Variants in RPTOR observed in about 807,000 individuals in gnomAD.
RPTOR encodes regulatory-associated protein of mTOR.
A neutral mutation model predicts 169.9 loss-of-function variants in RPTOR; 21 were observed. The observed-to-expected ratio is 0.12, with a 90% CI of 0.09 to 0.18. The LOEUF (loss-of-function observed/expected upper bound fraction) is 0.18. Among genes scored for constraint, RPTOR ranks in the 10% least tolerant of loss-of-function variants. The pLI, the probability that RPTOR is intolerant of heterozygous loss-of-function variation, is 1.00. For missense variants in RPTOR, 1,133 were observed against 1,855.9 expected (o/e 0.61, Z 7.16); for synonymous variants, 732 against 753.2 (o/e 0.97, Z 0.46).
In RPTOR at chr17:80,654,663, C is replaced by T. The variant is rs532676253; in HGVS notation, c.348+10853C>T. 4.2e-4 allele frequency among the ~76,000 whole-genome samples: 64 copies of T among 152,266 alleles called. No homozygotes were observed. The Middle Eastern group carries it at 0.02, about 49-fold the overall frequency. On this transcript the variant is annotated intron_variant, in intron 3 of 33. Transcript: ENST00000306801. ...TCCTTAATCAACATGCTGCTTACCC[C>T]GGACTGGAACATGCCCTGAAGTCAA...
chr17:80,841,339 C>A (rs2067651806), intron 10 of RPTOR, among the ~76,000 whole-genome samples: 1 of 126,120 alleles, frequency 7.9e-6, no homozygotes, highest in East Asian at 2.5e-4. Context: ...GCTCATTCAC[C>A]GCACGGCAGC....
chr17:80,794,608 C>T (rs1372071398), intron 7 of RPTOR, among the ~76,000 whole-genome samples: 1 of 152,166 alleles, frequency 6.6e-6, no homozygotes, highest in African/African-American at 2.4e-5. Flanking sequence ...AAAACCTGTG[C>T]GTGAATGTTT....
At chr17:80,674,685 G>T (rs898396439) in intron 3 of RPTOR, among the ~76,000 whole-genome samples, 1 of 151,470 alleles carries the variant, frequency 6.6e-6, no homozygotes. Context: ...CTACCTGGGA[G>T]GCTGAGGCAG....
intron 1 of RPTOR, among the ~76,000 whole-genome samples, chr17:80,594,479 A>G (rs895339179): frequency 2.6e-5 from 4 of 152,210 alleles, no homozygotes; most frequent in African/African-American, 7.2e-5. Context: ...TTCTCTGTCA[A>G]TGTTCTTGGA....
chr17:80,846,370 GC>G, intron 10 of RPTOR, 102 bp from the exon 11 acceptor site: 1 of 1,154,276 alleles, frequency 8.7e-7, no homozygotes, highest in Non-Finnish European at 1.3e-6. Flanking sequence ...TGCAGGGCGG[GC>G]CCTTCGTGAA....
chr17:80,587,377 G>A (rs1390601275), intron 1 of RPTOR, among the ~76,000 whole-genome samples: 1 of 152,218 alleles, frequency 6.6e-6, no homozygotes, highest in Admixed American at 6.5e-5. Context: ...TCTTGCTGTT[G>A]TCGTGAGCCA....
rs1349406859 is a variant in RPTOR at position 80,695,815 on chromosome 17, G to A, written c.349-12026G>A. On this transcript the variant is annotated intron_variant, in intron 3 of 33. Coordinates refer to ENST00000306801, the MANE Select transcript of RPTOR (RefSeq NM_020761.3). This position sits in a 1 kb window ranked among gnomAD's most constrained non-coding sequence, Gnocchi z 4.9. ...GATGCAGAGGCACCAAGGCCAGGGA[G>A]GAGCGTTGGGGGTGGCTGGAGCTGG... Among the ~76,000 whole-genome samples, 1 of 152,234 alleles carries A rather than the reference G, an allele frequency of 6.6e-6. No individual in the cohort carries two copies. The highest frequency in any genetic ancestry group is 1.9e-4 in the East Asian group (1 of 5,204).
chr17:80,826,533 G>A (rs1397638402), intron 9 of RPTOR, among the ~76,000 whole-genome samples: 2 of 152,250 alleles, frequency 1.3e-5, no homozygotes, highest in African/African-American at 2.4e-5. Flanking sequence ...GCCCAGCCCA[G>A]GTACAGCGGA....
At chr17:80,623,900 CATTT>C (rs2065374182) in intron 1 of RPTOR, among the ~76,000 whole-genome samples, 1 of 151,900 alleles carries the variant, frequency 6.6e-6, no homozygotes, top group Admixed American at 6.6e-5. Flanking sequence ...ATGATTTATT[CATTT>C]ATTTATTTTT....
Position 80,913,812 on chromosome 17 carries a change from A to G in RPTOR, c.2520+4883A>G, listed in dbSNP as rs545085384. On this transcript the variant is annotated intron_variant, in intron 21 of 33. Coordinates refer to ENST00000306801, the MANE Select transcript of RPTOR (RefSeq NM_020761.3). ...ATGTAGAAGTAGAAAGAAGAGACTGATGCCCCTCAGGAGCCTGCCTGTGGC... is the reference window on the plus strand; with the variant it reads ...ATGTAGAAGTAGAAAGAAGAGACTGGTGCCCCTCAGGAGCCTGCCTGTGGC... Among the ~76,000 whole-genome samples, 71 of 152,226 alleles carry G rather than the reference A, an allele frequency of 4.7e-4. 1 individual carries two copies. The highest frequency in any genetic ancestry group is 1.7e-3 in the African/African-American group (70 of 41,522).
At chr17:80,723,007 T>C (rs1441279349) in intron 4 of RPTOR, among the ~76,000 whole-genome samples, 1 of 151,388 alleles carries the variant, frequency 6.6e-6, no homozygotes, top group Non-Finnish European at 1.5e-5. Flanking sequence ...TTTTGGAGGA[T>C]GTCCCTCACT....
rs1383640617 is a variant in RPTOR at position 80,721,937 on chromosome 17, G to GTGC, written c.508-8617_508-8615dup. On this transcript the variant is annotated intron_variant, in intron 4 of 33. Transcript: ENST00000306801. This position sits in a 1 kb window ranked among gnomAD's most constrained non-coding sequence, Gnocchi z 4.7. ...AGCTGCTTCCTATTCCTTGTGGATT[G>GTGC]TGCTGCTGATGGGAACTTCCTTTGA... Among the ~76,000 whole-genome samples the GTGC allele has an allele frequency of 6.6e-6, 1 of 151,162 alleles. No homozygotes were observed. Among genetic ancestry groups the GTGC allele is most frequent in the Non-Finnish European group, 1.5e-5 (1 of 68,022 alleles).
intron 1 of RPTOR, among the ~76,000 whole-genome samples, chr17:80,586,076 G>A (rs752767420): frequency 7.9e-5 from 12 of 152,144 alleles, no homozygotes; most frequent in Non-Finnish European, 1.6e-4. Context: ...CTGCAGCCAG[G>A]CAGATGGAGG....
chr17:80,567,895 T>G (rs2064862603), intron 1 of RPTOR, among the ~76,000 whole-genome samples: 1 of 151,844 alleles, frequency 6.6e-6, no homozygotes, highest in Admixed American at 6.6e-5. Flanking sequence ...ACCCACATAT[T>G]TCTATTTATT....
intron 12 of RPTOR, among the ~76,000 whole-genome samples, chr17:80,856,323 T>C (rs1598356006): frequency 1.3e-5 from 2 of 152,228 alleles, no homozygotes; most frequent in African/African-American, 4.8e-5. Flanking sequence ...TTTTTAGAGA[T>C]AGACACTGAA....
chr17:80,806,855 C>G (rs976385192), intron 7 of RPTOR, among the ~76,000 whole-genome samples: 1 of 152,014 alleles, frequency 6.6e-6, no homozygotes, highest in Non-Finnish European at 1.5e-5. Context: ...ACAGCCTCTT[C>G]TTTTCTTGTT....
intron 1 of RPTOR, among the ~76,000 whole-genome samples, chr17:80,599,226 C>T (rs1428311068): frequency 1.3e-5 from 2 of 152,144 alleles, no homozygotes; most frequent in Admixed American, 6.5e-5. Flanking sequence ...GAGGAAACCC[C>T]GCAGCCATGC....
At chr17:80,578,291 G>A (rs2064983657) in intron 1 of RPTOR, among the ~76,000 whole-genome samples, 2 of 152,138 alleles carry the variant, frequency 1.3e-5, no homozygotes, top group South Asian at 4.1e-4. Flanking sequence ...GAGTTTCAAG[G>A]GAGGAAATTG....
intron 1 of RPTOR, among the ~76,000 whole-genome samples, chr17:80,615,806 C>T (rs1011151133): frequency 3.3e-5 from 5 of 152,066 alleles, no homozygotes; most frequent in African/African-American, 1.2e-4. Flanking sequence ...TAATGTTAGA[C>T]GTCATCTTCC....
Sources: gnomAD v4.1 joint callset for allele counts (sites outside exome capture counted in the v4.1 genomes callset) on GRCh38, gnomAD v4.1.1 for gene constraint, Gnocchi (gnomAD v3.1) non-coding constraint, MANE v1.5 for transcripts, NCBI Gene and HGNC (gene_info 2026-07-23, HGNC 2026-07-21) for gene names.